Variants in CDKAL1 observed in about 807,000 individuals in gnomAD.
The protein encoded by CDKAL1 is CDKAL1 threonylcarbamoyladenosine tRNA methylthiotransferase.
In CDKAL1, 32 loss-of-function variants were observed where a neutral mutation model predicts 68.2. The observed-to-expected ratio is 0.47, with a 90% CI of 0.35 to 0.63. CDKAL1 has a LOEUF of 0.63. CDKAL1 is among the 30% of genes least tolerant of loss of function. The probability of loss-of-function intolerance (pLI) is 0.00; values close to 1 mark genes in which losing one functional copy is unlikely to be tolerated. For missense variants in CDKAL1, 606 were observed against 696.7 expected (o/e 0.87, Z 1.47); for synonymous variants, 234 against 244.3 (o/e 0.96, Z 0.39).
intron 4 of CDKAL1, among the ~76,000 whole-genome samples, chr6:20,583,221 G>C (rs1765207750): frequency 1.3e-5 from 2 of 152,060 alleles, no homozygotes; most frequent in South Asian, 2.1e-4. Flanking sequence ...GCCGTGAAGT[G>C]TACTCTTTTT....
chr6:20,716,553 C>CA (rs3060781), intron 5 of CDKAL1, among the ~76,000 whole-genome samples: 2 of 151,552 alleles, frequency 1.3e-5, no homozygotes, highest in South Asian at 2.1e-4. Flanking sequence ...AGAGAGCAAT[C>CA]GGGTAACTGC....
intron 6 of CDKAL1, among the ~76,000 whole-genome samples, chr6:20,757,131 C>T (rs533646353): frequency 1.3e-5 from 2 of 152,118 alleles, no homozygotes; most frequent in South Asian, 4.2e-4. Flanking sequence ...TAGGGTTTCA[C>T]CATGTTGGCC....
At chr6:20,941,003 T>C (rs1763946491) in intron 9 of CDKAL1, among the ~76,000 whole-genome samples, 1 of 151,688 alleles carries the variant, frequency 6.6e-6, no homozygotes, top group Non-Finnish European at 1.5e-5. Context: ...GGCAGAATGC[T>C]GTGAACCCGG....
At chr6:20,542,101 C>T (rs555139798) in intron 2 of CDKAL1, among the ~76,000 whole-genome samples, 6 of 152,264 alleles carry the variant, frequency 3.9e-5, no homozygotes, top group South Asian at 2.1e-4. Context: ...ACAGATTTTT[C>T]GGATACCCAG....
chr6:20,805,038 A>C (rs577465888), intron 8 of CDKAL1, among the ~76,000 whole-genome samples: 15 of 152,208 alleles, frequency 9.9e-5, no homozygotes, highest in African/African-American at 3.4e-4. Flanking sequence ...AAAACAAAGA[A>C]AGAAAAATTA....
At chr6:20,773,266 T>C (rs1377673674) in intron 7 of CDKAL1, among the ~76,000 whole-genome samples, 1 of 152,226 alleles carries the variant, frequency 6.6e-6, no homozygotes, top group Non-Finnish European at 1.5e-5. Flanking sequence ...TGTCACACTT[T>C]AGTGTGAATA....
intron 8 of CDKAL1, among the ~76,000 whole-genome samples, chr6:20,807,658 C>G (rs1776631269): frequency 6.6e-6 from 1 of 151,520 alleles, no homozygotes; most frequent in Admixed American, 6.6e-5. Flanking sequence ...AAATTAAAAG[C>G]AAAATGGCAC....
At chr6:21,034,178 G>T (rs750665990) in intron 11 of CDKAL1, among the ~76,000 whole-genome samples, 1 of 152,144 alleles carries the variant, frequency 6.6e-6, no homozygotes, top group Admixed American at 6.6e-5. Context: ...AACAAAGCCC[G>T]TCAGGAGTTC....
At chr6:21,063,923 G>A (rs956337502) in intron 11 of CDKAL1, among the ~76,000 whole-genome samples, 2 of 152,112 alleles carry the variant, frequency 1.3e-5, no homozygotes, top group African/African-American at 4.8e-5. Context: ...TCTCCAGACT[G>A]TACCTTGTAC....
At chr6:21,000,002 A>G (rs1767345722) in intron 10 of CDKAL1, among the ~76,000 whole-genome samples, 1 of 152,244 alleles carries the variant, frequency 6.6e-6, no homozygotes, top group African/African-American at 2.4e-5. Context: ...TAAGAGAAAC[A>G]GCGAGCATGA....
intron 5 of CDKAL1, among the ~76,000 whole-genome samples, chr6:20,709,603 A>C (rs1771753656): frequency 6.6e-6 from 1 of 152,174 alleles, no homozygotes; most frequent in South Asian, 2.1e-4. Context: ...TCATTAATAG[A>C]AATCTCAGCT....
intron 9 of CDKAL1, among the ~76,000 whole-genome samples, chr6:20,862,660 T>TGCACGCGCGC (rs372549461): frequency 6.8e-6 from 1 of 147,222 alleles, no homozygotes; most frequent in African/African-American, 2.5e-5. Context: ...TGTGTGTGTG[T>TGCACGCGCGC]GTGCGCGCGT....
intron 4 of CDKAL1, among the ~76,000 whole-genome samples, chr6:20,577,750 G>T (rs1163311938): frequency 6.6e-6 from 1 of 152,222 alleles, no homozygotes; most frequent in Admixed American, 6.5e-5. Context: ...ATAAAATCCT[G>T]TAGAACAGAT....
chr6:20,700,896 G>GTTT (rs11398905), intron 5 of CDKAL1, among the ~76,000 whole-genome samples: 15 of 141,042 alleles, frequency 1.1e-4, no homozygotes, highest in South Asian at 9.1e-4. Context: ...AGGTTTTTGG[G>GTTT]TTTTTTTTTT....
chr6:21,168,995 G>T (rs1393216611), intron 13 of CDKAL1, among the ~76,000 whole-genome samples: 1 of 152,166 alleles, frequency 6.6e-6, no homozygotes, highest in Non-Finnish European at 1.5e-5. Flanking sequence ...GCAAGACAAA[G>T]TTCCAGATTA....
chr6:20,965,571 A>G (rs1420858035), intron 10 of CDKAL1, among the ~76,000 whole-genome samples: 2 of 152,218 alleles, frequency 1.3e-5, no homozygotes, highest in Non-Finnish European at 2.9e-5. Context: ...TGAAAAACAT[A>G]AAAATTTACA....
intron 4 of CDKAL1, among the ~76,000 whole-genome samples, chr6:20,598,433 T>C (rs1046958848): frequency 6.6e-6 from 1 of 151,964 alleles, no homozygotes; most frequent in Non-Finnish European, 1.5e-5. Flanking sequence ...AAAAATAGGT[T>C]ACAGCCATTT....
chr6:20,683,570 C>T (rs1770480814), intron 5 of CDKAL1, among the ~76,000 whole-genome samples: 1 of 152,036 alleles, frequency 6.6e-6, no homozygotes, highest in African/African-American at 2.4e-5. Flanking sequence ...TTTTTTAGAG[C>T]AGGTTTAGAT....
intron 13 of CDKAL1, chr6:21,135,836 C>G (rs1775565557): frequency 4.2e-6 from 1 of 240,138 alleles, no homozygotes; most frequent in Non-Finnish European, 6.7e-6. Flanking sequence ...AGGGGGGAGG[C>G]ATGAACAGAT....
Sources: gnomAD v4.1 joint callset for allele counts (sites outside exome capture counted in the v4.1 genomes callset) on GRCh38, gnomAD v4.1.1 for gene constraint, MANE v1.5 for transcripts, NCBI Gene and HGNC (gene_info 2026-07-23, HGNC 2026-07-21) for gene names.